The following NMNAT2 variants were observed in gnomAD, a reference collection of about 807,000 sequenced individuals.
NMNAT2 encodes the protein nicotinamide nucleotide adenylyltransferase 2.
A neutral mutation model predicts 41.6 loss-of-function variants in NMNAT2; 11 were observed. The observed-to-expected ratio is 0.26, with a 90% confidence interval of 0.17 to 0.44. The LOEUF is 0.44. NMNAT2 is among the 20% of genes least tolerant of loss of function. The pLI, the probability that NMNAT2 is intolerant of heterozygous loss-of-function variation, is 1.00. For missense variants in NMNAT2, 288 were observed against 407.7 expected (o/e 0.71, Z 2.53); for synonymous variants, 148 against 151.2 (o/e 0.98, Z 0.16).
intron 1 of NMNAT2, among the ~76,000 whole-genome samples, chr1:183,296,601 C>T (rs7523495): frequency 0.55 from 83,542 of 151,702 alleles, 24,331 homozygotes; most frequent in Non-Finnish European, 0.64. Flanking sequence ...CAACCTCCGC[C>T]TCCTGGGTTC....
chr1:183,367,127 A>G lies in NMNAT2; in HGVS notation c.85+51056T>C, dbSNP rs149001326. Among the ~76,000 whole-genome samples the G allele has an allele frequency of 5.9e-5, 9 of 152,352 alleles. No individual in the cohort carries two copies. The East Asian group carries it at 1.7e-3, about 29-fold the overall frequency. On this transcript the variant is annotated intron_variant, in intron 1 of 10. Transcript: ENST00000287713. ...CATTTTCATATTTCCACATCCTAGC[A>G]TGGTGCCTGGATCACATCCACACTT...
chr1:183,250,107 A>T lies in NMNAT2; in HGVS notation c.*2534T>A, dbSNP rs1660335920. ...GTGGGTCCCATAAATTCCATCCATA[A>T]CTCCAAGTCCTTAAACAAGCCATGT... On this transcript the variant is annotated 3_prime_UTR_variant, in exon 11 of 11. Coordinates refer to ENST00000287713, the MANE Select transcript of NMNAT2 (RefSeq NM_015039.4). The T allele has an allele frequency of 6.6e-6, 1 of 151,734 alleles. No individual in the cohort carries two copies. Among genetic ancestry groups the T allele is most frequent in the Non-Finnish European group, 1.5e-5 (1 of 67,982 alleles). The allele number at this position is 151,734 out of a possible 1,614,324, so 9.4% of individuals were successfully genotyped here. A position where few individuals can be genotyped will look rare whatever the true frequency, so the allele number is the denominator to read the frequency against.
chr1:183,384,191 G>A (rs1025576725), intron 1 of NMNAT2, among the ~76,000 whole-genome samples: 1 of 149,040 alleles, frequency 6.7e-6, no homozygotes, highest in African/African-American at 2.6e-5. Context: ...ACAAGGAGGC[G>A]CTACACACTT....
At chr1:183,413,669 C>T (rs1430063843) in intron 1 of NMNAT2, among the ~76,000 whole-genome samples, 4 of 137,464 alleles carry the variant, frequency 2.9e-5, no homozygotes, top group East Asian at 2.1e-4. Flanking sequence ...TGCAGTGGCG[C>T]GATCTCGGCT....
At chr1:183,409,888 T>C (rs1393686782) in intron 1 of NMNAT2, among the ~76,000 whole-genome samples, 1 of 152,150 alleles carries the variant, frequency 6.6e-6, no homozygotes, top group Non-Finnish European at 1.5e-5. Flanking sequence ...GAACAACCTA[T>C]CAGGGGGGTG....
At chr1:183,410,179 C>T (rs12407801) in intron 1 of NMNAT2, among the ~76,000 whole-genome samples, 14,505 of 148,898 alleles carry the variant, frequency 0.097, 699 homozygotes, top group Admixed American at 0.12. Context: ...AAAAAATAGC[C>T]GGGCATGATG....
intron 1 of NMNAT2, among the ~76,000 whole-genome samples, chr1:183,403,735 T>C (rs1648881232): frequency 6.6e-6 from 1 of 152,232 alleles, no homozygotes; most frequent in African/African-American, 2.4e-5. Flanking sequence ...AGCAGGGAGT[T>C]CTTTATTCAC....
chr1:183,356,474 A>T (rs923797100), intron 1 of NMNAT2, among the ~76,000 whole-genome samples: 1 of 152,238 alleles, frequency 6.6e-6, no homozygotes, highest in African/African-American at 2.4e-5. Flanking sequence ...GGTAGTTTGC[A>T]TATACCTGCT....
intron 8 of NMNAT2, among the ~76,000 whole-genome samples, chr1:183,274,696 C>A (rs534183707): frequency 1.4e-5 from 2 of 144,960 alleles, no homozygotes; most frequent in African/African-American, 5.1e-5. Context: ...CTTTGGGAGG[C>A]GGAGGTGGGA....
chr1:183,401,489 T>C (rs1024196511), intron 1 of NMNAT2, among the ~76,000 whole-genome samples: 6 of 152,200 alleles, frequency 3.9e-5, no homozygotes, highest in African/African-American at 1.4e-4. Flanking sequence ...AGTTCAACCA[T>C]TGTGGAAGAC....
In NMNAT2 at chr1:183,290,195, C is replaced by A; in HGVS notation, c.254G>T (p.Trp85Leu). 2 of 1,583,424 alleles carry A rather than the reference C, an allele frequency of 1.3e-6. No homozygotes were observed. Among genetic ancestry groups the A allele is most frequent in the East Asian group, 2.3e-5 (1 of 43,630 alleles). The change falls in exon 4 of 11, where the codon TGG becomes TTG. Residue 85 changes from tryptophan (W) to leucine (L), a missense_variant. Physicochemically the swap from Trp to Leu is moderately conservative, Grantham distance 61. Around this residue, in one of 3 missense-constraint regions of NMNAT2, gnomAD observed 100 missense variants for 168.5 expected, o/e 0.59. Coordinates refer to ENST00000287713, the MANE Select transcript of NMNAT2 (RefSeq NM_015039.4). ...QNSDWIRVDP[W>L]ECYQDTWQTT... ...CTGCCAGGTGTCCTGGTAGCACTCCCAAGGGTCCACCCTAACATCATCGGA... is the reference window on the plus strand; with the variant it reads ...CTGCCAGGTGTCCTGGTAGCACTCCAAAGGGTCCACCCTAACATCATCGGA...
intron 1 of NMNAT2, among the ~76,000 whole-genome samples, chr1:183,300,869 G>A (rs1661831992): frequency 6.6e-6 from 1 of 152,148 alleles, no homozygotes; most frequent in Non-Finnish European, 1.5e-5. Flanking sequence ...GTTACATTGT[G>A]GGTTGTGTTG....
intron 1 of NMNAT2, among the ~76,000 whole-genome samples, chr1:183,341,434 A>G (rs1038723712): frequency 2.0e-5 from 3 of 149,036 alleles, no homozygotes; most frequent in Admixed American, 6.8e-5. Context: ...TCCCAGTGCT[A>G]TGGGAGGCCA....
intron 1 of NMNAT2, among the ~76,000 whole-genome samples, chr1:183,294,375 A>G (rs891173140): frequency 4.6e-5 from 7 of 152,230 alleles, no homozygotes; most frequent in African/African-American, 1.7e-4. Context: ...TTTGGAAGGT[A>G]TGCAATATTG....
intron 1 of NMNAT2, among the ~76,000 whole-genome samples, chr1:183,303,045 TACTC>T (rs1661902687): frequency 6.6e-6 from 1 of 152,194 alleles, no homozygotes; most frequent in Admixed American, 6.5e-5. Flanking sequence ...AGAAGGAAGA[TACTC>T]ATTCCAGGGG....
chr1:183,355,722 C>A (rs1174240835), intron 1 of NMNAT2, among the ~76,000 whole-genome samples: 1 of 152,222 alleles, frequency 6.6e-6, no homozygotes, highest in African/African-American at 2.4e-5. Flanking sequence ...TCACTCTGCT[C>A]CCTGGCTCAC....
intron 1 of NMNAT2, among the ~76,000 whole-genome samples, chr1:183,411,540 G>A (rs565954742): frequency 2.6e-5 from 4 of 152,202 alleles, no homozygotes; most frequent in Admixed American, 2.0e-4. Context: ...CTGACCTCAA[G>A]TGATCTGCTT....
intron 1 of NMNAT2, among the ~76,000 whole-genome samples, chr1:183,359,290 C>A (rs1557888824): frequency 6.6e-6 from 1 of 152,076 alleles, no homozygotes; most frequent in Non-Finnish European, 1.5e-5. Context: ...TTTTTCATAA[C>A]AGACATATTT....
intron 1 of NMNAT2, among the ~76,000 whole-genome samples, chr1:183,324,166 GCAGCAGAAGAT>G (rs1662411989): frequency 6.6e-6 from 1 of 152,186 alleles, no homozygotes; most frequent in South Asian, 2.1e-4. Context: ...GTGCATGAAT[GCAGCAGAAGAT>G]CAACATTGGT....
Sources: gnomAD v4.1 joint callset for allele counts (sites outside exome capture counted in the v4.1 genomes callset) on GRCh38, gnomAD v4.1.1 for gene constraint, gnomAD v4.1.1 regional missense constraint, MANE v1.5 for transcripts, NCBI Gene and HGNC (gene_info 2026-07-23, HGNC 2026-07-21) for gene names.